CTIF: variants seen among roughly 807,000 people sequenced by gnomAD.
The protein encoded by CTIF is cap binding complex dependent translation initiation factor.
In CTIF, 21 loss-of-function variants were observed where a neutral mutation model predicts 66.0. The ratio of observed to expected loss-of-function variants is 0.32; its 90% CI spans 0.23 to 0.46. The LOEUF is 0.46. Ranked by LOEUF, CTIF falls within the 20% of genes least tolerant of loss-of-function variation. CTIF has a pLI of 1.00. For missense variants in CTIF, 739 were observed against 812.7 expected (o/e 0.91, Z 1.10); for synonymous variants, 345 against 326.4 (o/e 1.06, Z -0.62).
chr18:48,753,975 G>T (rs908344141), intron 7 of CTIF, among the ~76,000 whole-genome samples: 1 of 152,162 alleles, frequency 6.6e-6, no homozygotes, highest in Non-Finnish European at 1.5e-5. Context: ...GAAGAGAGAG[G>T]AGCTGGTTTT....
Position 48,759,230 on chromosome 18 carries a change from A to G in CTIF, c.1071+825A>G, listed in dbSNP as rs573391577. 1.4e-4 allele frequency among the ~76,000 whole-genome samples: 22 copies of G among 152,248 alleles called. No homozygotes were observed. The South Asian group carries it at 4.1e-3, about 29-fold the overall frequency. On this transcript the variant is annotated intron_variant, in intron 8 of 11. Coordinates refer to ENST00000256413, the MANE Select transcript of CTIF (RefSeq NM_014772.3). ...ACAGGAAAGGTCACCCTGGAGAGGAACTGTCCCAAGAAAGGCCAACTTGCC... is the reference window on the plus strand; with the variant it reads ...ACAGGAAAGGTCACCCTGGAGAGGAGCTGTCCCAAGAAAGGCCAACTTGCC...
intron 1 of CTIF, among the ~76,000 whole-genome samples, chr18:48,594,337 C>G (rs2089951124): frequency 6.6e-6 from 1 of 150,770 alleles, no homozygotes; most frequent in Non-Finnish European, 1.5e-5. Context: ...CCACCCCACC[C>G]CGCCCCAACT....
intron 6 of CTIF, among the ~76,000 whole-genome samples, chr18:48,701,304 C>T (rs1598894904): frequency 6.6e-6 from 1 of 152,248 alleles, no homozygotes; most frequent in East Asian, 1.9e-4. Context: ...AGAAGTGTGT[C>T]CAGGACCCTT....
At chr18:48,595,148 G>T (rs2144041950) in intron 1 of CTIF, among the ~76,000 whole-genome samples, 1 of 152,364 alleles carries the variant, frequency 6.6e-6, no homozygotes, top group South Asian at 2.1e-4. Flanking sequence ...CCACCCAAGG[G>T]ATGGGGTCAG....
intron 5 of CTIF, 64 bp downstream of exon 5, chr18:48,664,615 T>A: frequency 7.1e-7 from 1 of 1,409,668 alleles, no homozygotes; most frequent in Non-Finnish European, 9.9e-7. Context: ...GGCCTTTGCC[T>A]CCACAGGGAG....
At chr18:48,635,371 C>A (rs1416549591) in intron 2 of CTIF, among the ~76,000 whole-genome samples, 1 of 142,338 alleles carries the variant, frequency 7.0e-6, no homozygotes, top group Non-Finnish European at 1.5e-5. Flanking sequence ...CACCCAAGAG[C>A]ATTGTGCATT....
chr18:48,728,489 A>T (rs1432033428), intron 7 of CTIF, among the ~76,000 whole-genome samples: 2 of 152,230 alleles, frequency 1.3e-5, no homozygotes, highest in South Asian at 2.1e-4. Context: ...TCCAGAAGCT[A>T]TATAGCTGGG....
At chr18:48,627,679 C>A (rs34310284) in intron 2 of CTIF, among the ~76,000 whole-genome samples, 23,107 of 151,282 alleles carry the variant, frequency 0.15, 1,903 homozygotes, top group South Asian at 0.26. Flanking sequence ...AGATCACACC[C>A]CTTCACTCCA....
At chr18:48,732,893 G>C (rs184722179) in intron 7 of CTIF, among the ~76,000 whole-genome samples, 1 of 152,170 alleles carries the variant, frequency 6.6e-6, no homozygotes, top group Non-Finnish European at 1.5e-5. Flanking sequence ...TCATTCATTC[G>C]CGTTTTCAAT....
chr18:48,772,490 A>G, intron 9 of CTIF, among the ~76,000 whole-genome samples: 1 of 151,850 alleles, frequency 6.6e-6, no homozygotes, highest in Non-Finnish European at 1.5e-5. Context: ...CTACAGCAAT[A>G]ACTCCCCTAC....
intron 9 of CTIF, among the ~76,000 whole-genome samples, chr18:48,791,262 A>G (rs1185276562): frequency 2.0e-5 from 3 of 152,268 alleles, no homozygotes; most frequent in Non-Finnish European, 4.4e-5. Flanking sequence ...GATTTGCCCA[A>G]GGCCCTATAG....
intron 3 of CTIF, among the ~76,000 whole-genome samples, chr18:48,658,915 A>G (rs2091291563): frequency 6.6e-6 from 1 of 152,116 alleles, no homozygotes; most frequent in South Asian, 2.1e-4. Context: ...CTGGTTGTCC[A>G]GTTTAGCTTG....
intron 1 of CTIF, among the ~76,000 whole-genome samples, chr18:48,545,817 G>A (rs2088733685): frequency 6.6e-6 from 1 of 152,130 alleles, no homozygotes; most frequent in Non-Finnish European, 1.5e-5. Flanking sequence ...CACGGTGAGG[G>A]CTGCTGTAGA....
chr18:48,581,350 AC>A (rs970778008), intron 1 of CTIF, among the ~76,000 whole-genome samples: 8 of 152,148 alleles, frequency 5.3e-5, no homozygotes, highest in Middle Eastern at 3.4e-3. Context: ...ATAATTCTTG[AC>A]ACCCTCTTAG....
intron 10 of CTIF, among the ~76,000 whole-genome samples, chr18:48,840,366 G>C (rs1400819792): frequency 6.6e-6 from 1 of 150,978 alleles, no homozygotes; most frequent in African/African-American, 2.5e-5. Flanking sequence ...ATGCAGCCTG[G>C]TCAGTTGAAC....
chr18:48,724,892 G>A (rs1020167625), intron 7 of CTIF, among the ~76,000 whole-genome samples: 14 of 152,262 alleles, frequency 9.2e-5, no homozygotes, highest in Non-Finnish European at 2.1e-4. Context: ...GCAGGAATAC[G>A]ACTGCCCTTG....
At chr18:48,692,397 C>T (rs995405133) in intron 6 of CTIF, 2 of 152,118 alleles carry the variant, frequency 1.3e-5, no homozygotes, top group Non-Finnish European at 2.9e-5. Context: ...GATCAGTTTC[C>T]TTCTTGCCTG....
chr18:48,632,480 CTG>C (rs1432621558), intron 2 of CTIF, among the ~76,000 whole-genome samples: 1 of 152,180 alleles, frequency 6.6e-6, no homozygotes, highest in East Asian at 1.9e-4. Flanking sequence ...GTTCCACACT[CTG>C]AGATCCACTG....
chr18:48,581,170 G>A (rs143319106), intron 1 of CTIF, among the ~76,000 whole-genome samples: 322 of 151,666 alleles, frequency 2.1e-3, no homozygotes, highest in Middle Eastern at 6.9e-3. Context: ...TACTGTTTTC[G>A]CAAATGCAGG....
Sources: gnomAD v4.1 joint callset for allele counts (sites outside exome capture counted in the v4.1 genomes callset) on GRCh38, gnomAD v4.1.1 for gene constraint, MANE v1.5 for transcripts, NCBI Gene and HGNC (gene_info 2026-07-23, HGNC 2026-07-21) for gene names.